GP6: variants seen among roughly 807,000 people sequenced by gnomAD.
GP6 encodes the protein glycoprotein VI platelet.
A neutral mutation model predicts 37.3 loss-of-function variants in GP6; 45 were observed. The observed-to-expected ratio is 1.21, with a 90% CI of 0.95 to 1.55. GP6 has a LOEUF of 1.55. Among genes scored for constraint, GP6 ranks in the 40% most tolerant of loss-of-function variants. GP6 has a pLI of 0.00. For missense variants in GP6, 813 were observed against 760.2 expected (o/e 1.07, Z -0.82); for synonymous variants, 340 against 316.4 (o/e 1.07, Z -0.79).
At chr19:55,032,025 C>G in intron 3 of GP6, 114 bp downstream of exon 3, 23 of 1,025,292 alleles carry the variant, frequency 2.2e-5, no homozygotes, top group Non-Finnish European at 3.1e-5. Context: ...GCACCACCAC[C>G]CGCTAGGCCA....
chr19:55,034,116 ACGTGTATATG>A (rs1190174298), intron 1 of GP6, among the ~76,000 whole-genome samples: 1 of 116,032 alleles, frequency 8.6e-6, no homozygotes, highest in African/African-American at 3.4e-5. Context: ...GTACATACAC[ACGTGTATATG>A]TATGTATATG....
At chr19:55,031,136 C>G (rs2074546132) in intron 3 of GP6, among the ~76,000 whole-genome samples, 1 of 152,222 alleles carries the variant, frequency 6.6e-6, no homozygotes, top group Admixed American at 6.5e-5. Context: ...GTGTAAACCA[C>G]TGGGACCAGT....
chr19:55,021,219 C>G lies in GP6; in HGVS notation c.665-2508G>C, dbSNP rs1008149697. Among the ~76,000 whole-genome samples, 26 of 106,722 alleles carry G rather than the reference C, an allele frequency of 2.4e-4. 1 individual carries two copies. The highest frequency in any genetic ancestry group is 3.0e-4 in the South Asian group (1 of 3,288). The allele number at this position is 106,722 out of a possible 152,430, so 70.0% of individuals were successfully genotyped here. A position where few individuals can be genotyped will look rare whatever the true frequency, so the allele number is the denominator to read the frequency against. On this transcript the variant is annotated intron_variant, in intron 5 of 7. Coordinates refer to ENST00000310373, the MANE Select transcript of GP6 (RefSeq NM_001083899.2). ...ACTAAAAGAAAAAAAAAAAAAAAAG[C>G]CAGGCATGGTGGCAGGCGCCTGTAG...
chr19:55,023,628 C>T (rs888691477), intron 5 of GP6, among the ~76,000 whole-genome samples: 7 of 152,190 alleles, frequency 4.6e-5, no homozygotes, highest in African/African-American at 1.7e-4. Flanking sequence ...AGAAGCCAGC[C>T]TTCTGCTTCC....
At chr19:55,019,779 A>G (rs1199619591) in intron 5 of GP6, among the ~76,000 whole-genome samples, 1 of 147,814 alleles carries the variant, frequency 6.8e-6, no homozygotes, top group Admixed American at 6.9e-5. Context: ...CCGGGTTCAC[A>G]CCATTATCCT....
intron 1 of GP6, among the ~76,000 whole-genome samples, chr19:55,036,073 TAAAA>T (rs34534412): frequency 3.0e-5 from 4 of 135,162 alleles, no homozygotes; most frequent in Non-Finnish European, 6.4e-5. Flanking sequence ...ATTCCGTCTT[TAAAA>T]AAAAAAAAAA....
At position 55,014,375 on chromosome 19, in the gene GP6, C is replaced by T. The variant is rs909364686; in HGVS notation, c.1570G>A (p.Val524Ile). ...GGAAGCGGGCAACGTGCTAGTTTTA[C>T]ACTAAGGAAAATGAATGACATACCC... The change falls in exon 8 of 8, where the codon GTA (valine) becomes ATA (isoleucine). Residue 524 changes from valine (V) to isoleucine (I), a missense_variant. Transcript: ENST00000310373. 3.1e-6 allele frequency: 5 copies of T among 1,613,732 alleles called. No individual in the cohort carries two copies. The highest frequency in any genetic ancestry group is 4.2e-6 in the Non-Finnish European group (5 of 1,179,682).
intron 3 of GP6, among the ~76,000 whole-genome samples, chr19:55,030,182 C>T (rs951064734): frequency 2.1e-5 from 3 of 140,348 alleles, no homozygotes; most frequent in Non-Finnish European, 4.7e-5. Flanking sequence ...CCAAAACCTA[C>T]TTCTAGAAAA....
intron 7 of GP6, among the ~76,000 whole-genome samples, 181 bp from the exon 8 acceptor site, chr19:55,015,346 A>G (rs745369144): frequency 1.3e-5 from 2 of 152,180 alleles, no homozygotes; most frequent in Non-Finnish European, 2.9e-5. Context: ...CCAATTCTCT[A>G]AGTAGCACCT....
At chr19:55,019,950 A>T (rs1017675192) in intron 5 of GP6, among the ~76,000 whole-genome samples, 3 of 152,104 alleles carry the variant, frequency 2.0e-5, no homozygotes, top group Admixed American at 6.5e-5. Context: ...AGTGCTGGGA[A>T]TACAGGCGTG....
At position 55,024,463 on chromosome 19, in the gene GP6, C is replaced by G. The variant is rs2074229911; in HGVS notation, c.664+755G>C. 2.0e-5 allele frequency among the ~76,000 whole-genome samples: 3 copies of G among 152,050 alleles called. No homozygotes were observed. In the South Asian group the frequency reaches 6.2e-4, roughly 31 times the overall value. Reference sequence around the variant, plus strand: ...CCCCGCAAATCTCATCCTTATCAACCTCGGCTCTTTCCAGCATGTTTCTCC... The same window carrying G: ...CCCCGCAAATCTCATCCTTATCAACGTCGGCTCTTTCCAGCATGTTTCTCC... On this transcript the variant is annotated intron_variant, in intron 5 of 7. Transcript: ENST00000310373.
intron 1 of GP6, among the ~76,000 whole-genome samples, chr19:55,035,285 A>G (rs2074787365): frequency 6.6e-6 from 1 of 152,132 alleles, no homozygotes. Context: ...GCGGTGGGGT[A>G]AGGTTTGGGG....
chr19:55,026,832 G>C (rs1309631276), intron 4 of GP6, among the ~76,000 whole-genome samples: 1 of 151,832 alleles, frequency 6.6e-6, no homozygotes, highest in Non-Finnish European at 1.5e-5. Flanking sequence ...GTTGCAGTGA[G>C]CTGAGATCGC....
intron 3 of GP6, among the ~76,000 whole-genome samples, chr19:55,028,563 A>G (rs747966870): frequency 6.6e-6 from 1 of 152,190 alleles, no homozygotes; most frequent in African/African-American, 2.4e-5. Context: ...GCTAGTAGTA[A>G]CTGTCTCACA....
At chr19:55,017,345 A>G (rs1293812456) in intron 6 of GP6, among the ~76,000 whole-genome samples, 1 of 152,054 alleles carries the variant, frequency 6.6e-6, no homozygotes, top group Non-Finnish European at 1.5e-5. Context: ...TCCTGACCTC[A>G]GGTGATCCAC....
intron 6 of GP6, among the ~76,000 whole-genome samples, chr19:55,016,016 G>T (rs2073860883): frequency 2.0e-5 from 3 of 152,006 alleles, no homozygotes; most frequent in African/African-American, 4.8e-5. Context: ...GCACGTGCCA[G>T]TAATCCCAGC....
chr19:55,032,587 A>AT, intron 1 of GP6, 49 bp from the exon 2 acceptor site: 1 of 1,601,572 alleles, frequency 6.2e-7, no homozygotes, highest in South Asian at 1.1e-5. Context: ...TTTTATGGAC[A>AT]TTCCTGCCTG....
chr19:55,035,668 C>T (rs925854222), intron 1 of GP6, among the ~76,000 whole-genome samples: 2 of 148,208 alleles, frequency 1.3e-5, no homozygotes, highest in South Asian at 4.3e-4. Flanking sequence ...AGTGAGCCAA[C>T]GTCATGCCAC....
chr19:55,031,215 C>T (rs2074548815), intron 3 of GP6, among the ~76,000 whole-genome samples: 1 of 152,116 alleles, frequency 6.6e-6, no homozygotes, highest in African/African-American at 2.4e-5. Flanking sequence ...TGAAATATTT[C>T]CATTAATATT....
Sources: allele counts gnomAD v4.1 joint callset (sites outside exome capture counted in the v4.1 genomes callset), GRCh38; gene constraint gnomAD v4.1.1; transcripts MANE v1.5; gene names NCBI Gene and HGNC (gene_info 2026-07-23, HGNC 2026-07-21).